The following ZNF609 variants were observed in gnomAD, a reference collection of about 807,000 sequenced individuals.
The protein encoded by ZNF609 is zinc finger protein 609.
In ZNF609, 11 loss-of-function variants were observed where a neutral mutation model predicts 109.5. The ratio of observed to expected loss-of-function variants is 0.10; its 90% CI spans 0.06 to 0.17. The LOEUF (loss-of-function observed/expected upper bound fraction) is 0.17. ZNF609 is among the 10% of genes least tolerant of loss of function. The pLI, the probability that ZNF609 is intolerant of heterozygous loss-of-function variation, is 1.00. For missense variants in ZNF609, 1,559 were observed against 1,772.4 expected (o/e 0.88, Z 2.16); for synonymous variants, 646 against 662.0 (o/e 0.98, Z 0.37).
intron 2 of ZNF609, among the ~76,000 whole-genome samples, chr15:64,514,089 A>G (rs1385778008): frequency 2.0e-5 from 3 of 148,162 alleles, no homozygotes; most frequent in East Asian, 2.0e-4. Flanking sequence ...AAGACCCTCA[A>G]AAAAAAAAAA....
intron 2 of ZNF609, among the ~76,000 whole-genome samples, chr15:64,562,740 C>CA (rs5813308): frequency 0.74 from 109,224 of 147,272 alleles, 43,444 homozygotes; most frequent in East Asian, 0.96. Flanking sequence ...AGAAGCCAGC[C>CA]AAAAAAAAAA....
intron 2 of ZNF609, among the ~76,000 whole-genome samples, chr15:64,572,034 G>A (rs1282510979): frequency 6.6e-6 from 1 of 152,142 alleles, no homozygotes; most frequent in Non-Finnish European, 1.5e-5. Context: ...TTAAGGAAGT[G>A]ACATTTAGGC....
Position 64,661,801 on chromosome 15 carries a change from T to C in ZNF609, c.974-8545T>C, listed in dbSNP as rs150571836. ...TTCTTCACTGTTTTTGTAACTTCAA[T>C]ACTTCACAGAATGCTTGGCAAATAA... is the stretch of plus-strand genomic sequence containing the variant. On this transcript the variant is annotated intron_variant, in intron 3 of 9. Transcript: ENST00000326648. 4.2e-3 allele frequency among the ~76,000 whole-genome samples: 647 copies of C among 152,354 alleles called. 2 individuals are homozygous for C. The highest frequency in any genetic ancestry group is 0.015 in the African/African-American group (612 of 41,590).
intron 3 of ZNF609, among the ~76,000 whole-genome samples, chr15:64,629,425 G>A (rs775903422): frequency 6.6e-6 from 1 of 152,210 alleles, no homozygotes; most frequent in Non-Finnish European, 1.5e-5. Context: ...TTTGGAGGTA[G>A]GTAGGTAAGT....
intron 3 of ZNF609, among the ~76,000 whole-genome samples, chr15:64,624,235 G>T (rs1448639800): frequency 3.9e-5 from 6 of 152,206 alleles, no homozygotes; most frequent in Admixed American, 3.9e-4. Flanking sequence ...CTGAGTGGTA[G>T]AAGCTGATGC....
chr15:64,659,412 T>C (rs960454859), intron 3 of ZNF609, among the ~76,000 whole-genome samples: 2 of 152,144 alleles, frequency 1.3e-5, no homozygotes, highest in African/African-American at 4.8e-5. Flanking sequence ...TAGTGGATGA[T>C]AGAGCTACGT....
At chr15:64,655,472 C>T (rs1896477247) in intron 3 of ZNF609, among the ~76,000 whole-genome samples, 2 of 151,796 alleles carry the variant, frequency 1.3e-5, no homozygotes, top group African/African-American at 4.8e-5. Flanking sequence ...TAACATAATA[C>T]TAAATAAGCA....
At chr15:64,534,883 A>G (rs78410599) in intron 2 of ZNF609, among the ~76,000 whole-genome samples, 10,950 of 151,948 alleles carry the variant, frequency 0.072, 693 homozygotes, top group African/African-American at 0.17. Flanking sequence ...AAATACAAAA[A>G]TTAGACGGGC....
intron 2 of ZNF609, among the ~76,000 whole-genome samples, chr15:64,595,698 C>T (rs1166977694): frequency 6.6e-6 from 1 of 152,148 alleles, no homozygotes; most frequent in Admixed American, 6.6e-5. Flanking sequence ...TAAGGTTATA[C>T]AGATAAATGG....
chr15:64,510,519 G>A (rs1893709233), intron 2 of ZNF609, among the ~76,000 whole-genome samples: 2 of 151,924 alleles, frequency 1.3e-5, no homozygotes, highest in Admixed American at 1.3e-4. Flanking sequence ...GTGTCTTACT[G>A]CTCACACCTG....
intron 2 of ZNF609, among the ~76,000 whole-genome samples, chr15:64,615,132 T>C (rs1220226568): frequency 6.6e-6 from 1 of 151,486 alleles, no homozygotes; most frequent in African/African-American, 2.4e-5. Flanking sequence ...TGTTTTGTTT[T>C]GTTTTGTTTT....
At chr15:64,544,892 A>G (rs1044383864) in intron 2 of ZNF609, among the ~76,000 whole-genome samples, 4 of 152,126 alleles carry the variant, frequency 2.6e-5, no homozygotes, top group African/African-American at 9.7e-5. Flanking sequence ...CAGACCATCA[A>G]GTTGTAGGTA....
At position 64,674,950 on chromosome 15, in the gene ZNF609, C is replaced by A; in HGVS notation, c.2096C>A (p.Pro699His). 1.2e-6 allele frequency: 2 copies of A among 1,614,102 alleles called. No individual in the cohort carries two copies. ...ATVAQAMPNSPQLKPIQPKPT... is the reference protein window; with the variant it reads ...ATVAQAMPNSHQLKPIQPKPT... ...GTGGCACAAGCCATGCCCAACAGTC[C>A]CCAACTCAAGCCCATTCAGCCCAAG... The change falls in exon 5 of 10, where the codon CCC (proline) becomes CAC (histidine). Residue 699 changes from proline to histidine, a missense_variant. Physicochemically the swap from Pro to His is moderately conservative, Grantham distance 77 (BLOSUM62 -2). Coordinates refer to ENST00000326648, the MANE Select transcript of ZNF609 (RefSeq NM_015042.2).
chr15:64,665,989 C>T (rs536019216), intron 3 of ZNF609, among the ~76,000 whole-genome samples: 13 of 150,546 alleles, frequency 8.6e-5, no homozygotes, highest in African/African-American at 2.9e-4. Flanking sequence ...GCAGGAGAAT[C>T]GCTTGAACCC....
At chr15:64,618,476 CT>C (rs1053226357) in intron 2 of ZNF609, among the ~76,000 whole-genome samples, 18 of 152,296 alleles carry the variant, frequency 1.2e-4, no homozygotes, top group African/African-American at 4.3e-4. Context: ...AATTAGACCC[CT>C]GCCTTATCAC....
At chr15:64,513,534 T>C (rs1893763141) in intron 2 of ZNF609, among the ~76,000 whole-genome samples, 1 of 152,206 alleles carries the variant, frequency 6.6e-6, no homozygotes, top group Non-Finnish European at 1.5e-5. Context: ...TGTGAGGCAC[T>C]CAGTCAGAAG....
chr15:64,666,566 CA>C (rs1422405323), intron 3 of ZNF609, among the ~76,000 whole-genome samples: 1 of 151,978 alleles, frequency 6.6e-6, no homozygotes, highest in Non-Finnish European at 1.5e-5. Context: ...TGCAGTAGCA[CA>C]ATCTCAGCTC....
chr15:64,628,615 G>A (rs775821992), intron 3 of ZNF609, among the ~76,000 whole-genome samples: 1 of 152,098 alleles, frequency 6.6e-6, no homozygotes, highest in Non-Finnish European at 1.5e-5. Context: ...GCGGCTGTCT[G>A]TAGAACAGGA....
intron 1 of ZNF609, among the ~76,000 whole-genome samples, chr15:64,485,479 A>G (rs1283143475): frequency 2.0e-5 from 3 of 152,210 alleles, no homozygotes; most frequent in African/African-American, 4.8e-5. Flanking sequence ...TTATTTTGAG[A>G]TAATTATAGA....
Sources: allele counts gnomAD v4.1 joint callset (sites outside exome capture counted in the v4.1 genomes callset), GRCh38; gene constraint gnomAD v4.1.1; transcripts MANE v1.5; gene names NCBI Gene and HGNC (gene_info 2026-07-23, HGNC 2026-07-21).